The following KIF5C variants were observed in gnomAD, a reference collection of about 807,000 sequenced individuals.
KIF5C encodes the protein kinesin family member 5C.
KIF5C carries 18 observed loss-of-function variants against 125.2 expected under a neutral mutation model. The observed-to-expected ratio is 0.14, with a 90% CI of 0.10 to 0.21. The LOEUF is 0.21. Among genes scored for constraint, KIF5C ranks in the 10% least tolerant of loss-of-function variants. The probability of loss-of-function intolerance (pLI) is 1.00; values close to 1 mark genes in which losing one functional copy is unlikely to be tolerated. For missense variants in KIF5C, 780 were observed against 1,183.8 expected (o/e 0.66, Z 5.01); for synonymous variants, 405 against 434.0 (o/e 0.93, Z 0.83).
intron 12 of KIF5C, among the ~76,000 whole-genome samples, chr2:148,975,808 G>A (rs150974212): frequency 1.4e-4 from 21 of 152,338 alleles, no homozygotes; most frequent in African/African-American, 4.8e-4. Flanking sequence ...GCCTGGCCCT[G>A]CTGAAGGTGC....
intron 14 of KIF5C, among the ~76,000 whole-genome samples, 197 bp downstream of exon 14, chr2:148,981,758 A>T (rs556960715): frequency 9.6e-4 from 146 of 152,208 alleles, no homozygotes; most frequent in African/African-American, 3.2e-3. Flanking sequence ...GGAACTGCAT[A>T]TCATGACTGT....
chr2:148,929,002 A>G (rs1382097147), intron 2 of KIF5C, among the ~76,000 whole-genome samples: 1 of 152,246 alleles, frequency 6.6e-6, no homozygotes, highest in Non-Finnish European at 1.5e-5. Flanking sequence ...CTACTAAAAA[A>G]AAGTTTTCTG....
intron 21 of KIF5C, among the ~76,000 whole-genome samples, chr2:149,004,740 A>G (rs1443947089): frequency 6.6e-6 from 1 of 152,224 alleles, no homozygotes; most frequent in African/African-American, 2.4e-5. Flanking sequence ...AGAACATTAT[A>G]AGGTTCATCT....
chr2:148,899,660 G>A (rs1000164718), intron 1 of KIF5C, among the ~76,000 whole-genome samples: 3 of 133,536 alleles, frequency 2.2e-5, no homozygotes, highest in Non-Finnish European at 3.0e-5. Flanking sequence ...CCGAGGTCGC[G>A]CCACTGCTCT....
intron 11 of KIF5C, among the ~76,000 whole-genome samples, chr2:148,972,003 C>T (rs142686027): frequency 0.02 from 3,027 of 152,184 alleles, 104 homozygotes; most frequent in African/African-American, 0.067. Context: ...GGCGCGATCT[C>T]GGCTCATTGC....
intron 6 of KIF5C, among the ~76,000 whole-genome samples, chr2:148,942,302 G>A (rs902782471): frequency 2.6e-5 from 4 of 152,088 alleles, no homozygotes; most frequent in African/African-American, 9.7e-5. Context: ...AATATTGGTG[G>A]CCATGATCAT....
chr2:148,991,919 C>CA (rs200071911), intron 16 of KIF5C, among the ~76,000 whole-genome samples: 1,550 of 152,294 alleles, frequency 0.01, 26 homozygotes, highest in African/African-American at 0.036. Context: ...CTTCAGAAAA[C>CA]AGCAACCCAG....
chr2:148,932,165 G>C (rs1436162186), intron 3 of KIF5C, among the ~76,000 whole-genome samples: 1 of 152,158 alleles, frequency 6.6e-6, no homozygotes, highest in Non-Finnish European at 1.5e-5. Flanking sequence ...AAGCCCTACA[G>C]GGTCTGCATT....
In KIF5C at chr2:148,970,005, C is replaced by T. The variant is rs368979455; in HGVS notation, c.1118-3331C>T. Among the ~76,000 whole-genome samples, 14 of 152,112 alleles carry T rather than the reference C, an allele frequency of 9.2e-5. No homozygotes were observed. The East Asian group carries it at 1.5e-3, about 17-fold the overall frequency. On this transcript the variant is annotated intron_variant, in intron 11 of 25. Transcript: ENST00000435030. ...TGCGTGTTGCGGCTTTGTTCTTCTCCGTTGAAATGGCTGCTGTAAAAAATA... is the reference window on the plus strand; with the variant it reads ...TGCGTGTTGCGGCTTTGTTCTTCTCTGTTGAAATGGCTGCTGTAAAAAATA...
chr2:148,952,391 T>C (rs1682686037), intron 10 of KIF5C, among the ~76,000 whole-genome samples: 1 of 152,192 alleles, frequency 6.6e-6, no homozygotes, highest in African/African-American at 2.4e-5. Flanking sequence ...CAGGAGGTAT[T>C]TGCAGCTGTC....
chr2:148,999,995 T>C lies in KIF5C; in HGVS notation c.2211-428T>C, dbSNP rs1180704978. On this transcript the variant is annotated intron_variant, in intron 19 of 25. Coordinates refer to ENST00000435030, the MANE Select transcript of KIF5C (RefSeq NM_004522.3). ...CCCTGTATCAGTGAGGCATTCGGAC[T>C]TGGGAGATGTTTTTAGAACATCAGA... The C allele has an allele frequency of 4.4e-5, 7 of 157,614 alleles. 1 individual carries two copies. Among genetic ancestry groups the C allele is most frequent in the African/African-American group, 1.4e-4 (6 of 41,742 alleles). The allele number at this position is 157,614 out of a possible 1,614,324, so 9.8% of individuals were successfully genotyped here.
chr2:148,979,472 CT>C (rs1333869477), intron 13 of KIF5C, among the ~76,000 whole-genome samples: 3 of 152,114 alleles, frequency 2.0e-5, no homozygotes, highest in South Asian at 2.1e-4. Context: ...CAGAGTTTCT[CT>C]ATGTTGGTCA....
intron 11 of KIF5C, 134 bp downstream of exon 11, chr2:148,962,253 C>A: frequency 7.7e-7 from 1 of 1,300,876 alleles, no homozygotes; most frequent in Non-Finnish European, 1.0e-6. Context: ...GCAACCTCTG[C>A]CTCCAGGGTT....
chr2:148,945,283 T>G (rs1338092365), intron 7 of KIF5C, among the ~76,000 whole-genome samples: 1 of 152,204 alleles, frequency 6.6e-6, no homozygotes, highest in Non-Finnish European at 1.5e-5. Flanking sequence ...ATGTAGGTAT[T>G]TGATCCTTTT....
In KIF5C at chr2:148,973,675, A is replaced by C. The variant is rs1189799028; in HGVS notation, c.1293+164A>C. ...GGTGCAGATTCAGGGAGTTTGATTC[A>C]TGTGGAATAGAAATGTTAAAGGGAA... On this transcript the variant is annotated intron_variant, in intron 12 of 25. Transcript: ENST00000435030. Among the ~76,000 whole-genome samples, 3 of 152,178 alleles carry C rather than the reference A, an allele frequency of 2.0e-5. No individual in the cohort carries two copies. The East Asian group carries it at 5.8e-4, about 29-fold the overall frequency.
chr2:149,000,325 A>T (rs754423406), intron 19 of KIF5C, 98 bp from the exon 20 acceptor site: 3 of 1,419,328 alleles, frequency 2.1e-6, no homozygotes. Flanking sequence ...CCTTTATTGT[A>T]CAGAGCTAAT....
intron 1 of KIF5C, among the ~76,000 whole-genome samples, chr2:148,901,247 G>A (rs1558879776): frequency 6.6e-6 from 1 of 152,190 alleles, no homozygotes; most frequent in Non-Finnish European, 1.5e-5. Flanking sequence ...GATATATTAA[G>A]TGGAAGAAGC....
intron 1 of KIF5C, chr2:148,879,145 A>G (rs1387039276): frequency 6.6e-6 from 1 of 152,170 alleles, no homozygotes; most frequent in Non-Finnish European, 1.5e-5. Flanking sequence ...TTTGTTTTGT[A>G]TATGATCTCC....
At chr2:148,938,174 AG>A (rs1159515085) in intron 4 of KIF5C, among the ~76,000 whole-genome samples, 2 of 147,182 alleles carry the variant, frequency 1.4e-5, no homozygotes, top group African/African-American at 5.3e-5. Flanking sequence ...AAGCAAATAG[AG>A]GATATTGTTT....
Sources: gnomAD v4.1 joint callset for allele counts (sites outside exome capture counted in the v4.1 genomes callset) on GRCh38, gnomAD v4.1.1 for gene constraint, MANE v1.5 for transcripts, NCBI Gene and HGNC (gene_info 2026-07-23, HGNC 2026-07-21) for gene names.